LARGE1: variants seen among roughly 807,000 people sequenced by gnomAD.
LARGE1 encodes the protein LARGE xylosyl- and glucuronyltransferase 1, also known as xylosyl- and glucuronyltransferase LARGE1.
A neutral mutation model predicts 87.6 loss-of-function variants in LARGE1; 43 were observed. The ratio of observed to expected loss-of-function variants is 0.49; its 90% CI spans 0.38 to 0.63. The LOEUF (loss-of-function observed/expected upper bound fraction) is 0.63, where lower values mean the gene tolerates loss of function less well. Ranked by LOEUF, LARGE1 falls within the 30% of genes least tolerant of loss-of-function variation. LARGE1 has a pLI of 0.00. For synonymous variants in LARGE1, 434 were observed against 394.6 expected, an observed-to-expected ratio of 1.10 and a Z score of -1.18; for missense variants, 802 against 1,000.2, an observed-to-expected ratio of 0.80 and a Z score of 2.67.
At chr22:33,564,366 T>A (rs1235668484) in intron 6 of LARGE1, among the ~76,000 whole-genome samples, 2 of 152,130 alleles carry the variant, frequency 1.3e-5, no homozygotes, top group African/African-American at 4.8e-5. Flanking sequence ...CCCACCAGAC[T>A]AGAAAGAACG....
At chr22:33,735,891 A>C (rs538704483) in intron 2 of LARGE1, among the ~76,000 whole-genome samples, 1 of 152,346 alleles carries the variant, frequency 6.6e-6, no homozygotes, top group Admixed American at 6.5e-5. Context: ...TCACATGTAC[A>C]TATGTGGCCT....
chr22:33,697,549 C>CAAAAAA (rs3072289), intron 2 of LARGE1, among the ~76,000 whole-genome samples: 8,880 of 53,924 alleles, frequency 0.16, 799 homozygotes, highest in African/African-American at 0.24. Flanking sequence ...GACTCTGTCC[C>CAAAAAA]AAAAAAAAAA....
chr22:33,245,836 G>A (rs1230229404), intron 11 of LARGE1, among the ~76,000 whole-genome samples: 1 of 152,202 alleles, frequency 6.6e-6, no homozygotes, highest in African/African-American at 2.4e-5. Flanking sequence ...TTGAACCTGG[G>A]AGGCGGAGGT....
At chr22:33,669,550 A>G (rs944198391) in intron 2 of LARGE1, among the ~76,000 whole-genome samples, 2 of 152,162 alleles carry the variant, frequency 1.3e-5, no homozygotes, top group African/African-American at 4.8e-5. Context: ...CTTGATACTC[A>G]TTGTTATCAG....
intron 5 of LARGE1, among the ~76,000 whole-genome samples, chr22:33,597,330 G>T (rs187947247): frequency 2.8e-3 from 411 of 146,150 alleles, no homozygotes; most frequent in African/African-American, 0.01. Flanking sequence ...TCCCACCCTA[G>T]AATCCTATGA....
chr22:33,146,877 TC>T, the LARGE1 span, among the ~76,000 whole-genome samples: 2 of 152,192 alleles, frequency 1.3e-5, no homozygotes, highest in Admixed American at 6.5e-5. Context: ...CCCAGAAATG[TC>T]CCCTGTGTCC....
rs143433710 is a variant in LARGE1, at chr22:33,764,398, G to T, written c.-82-2840C>A. Among the ~76,000 whole-genome samples, 255 of 152,182 alleles carry T rather than the reference G, an allele frequency of 1.7e-3. 2 individuals are homozygous for T. Among genetic ancestry groups the T allele is most frequent in the African/African-American group, 5.5e-3 (228 of 41,536 alleles). ...CCTCATACAAATGGGCATAGTATTTGCATATAACCTACACCTATCCTCCTA... is the reference window on the plus strand; with the variant it reads ...CCTCATACAAATGGGCATAGTATTTTCATATAACCTACACCTATCCTCCTA... On this transcript the variant is annotated intron_variant, in intron 1 of 14. Transcript: ENST00000397394.
intron 4 of LARGE1, among the ~76,000 whole-genome samples, chr22:33,622,146 A>T (rs930908383): frequency 1.3e-5 from 2 of 152,112 alleles, no homozygotes; most frequent in African/African-American, 2.4e-5. Context: ...TCCCCACCCA[A>T]ATCTCATTTC....
chr22:33,681,018 C>T (rs1275288186), intron 2 of LARGE1, among the ~76,000 whole-genome samples: 1 of 151,014 alleles, frequency 6.6e-6, no homozygotes, highest in African/African-American at 2.5e-5. Context: ...AATTTCGCCA[C>T]TTATTTTTTT....
intron 9 of LARGE1, among the ~76,000 whole-genome samples, chr22:33,346,253 TC>T (rs372965047): frequency 2.0e-5 from 3 of 148,944 alleles, no homozygotes; most frequent in Admixed American, 6.7e-5. Context: ...CCTTCCTTCC[TC>T]TCTTCTCTCT....
chr22:33,862,382 T>C (rs1427593380), intron 1 of LARGE1, among the ~76,000 whole-genome samples: 3 of 152,210 alleles, frequency 2.0e-5, no homozygotes, highest in African/African-American at 7.2e-5. Context: ...GGGGAGGTTA[T>C]ATCCGAACAT....
downstream of LARGE1, among the ~76,000 whole-genome samples, chr22:33,269,690 T>C (rs146577651): frequency 2.7e-3 from 414 of 152,070 alleles, 2 homozygotes; most frequent in Admixed American, 0.023. Flanking sequence ...ATTTTTTCAT[T>C]CCAGAAGACA....
intron 4 of LARGE1, among the ~76,000 whole-genome samples, chr22:33,611,844 T>C (rs930084096): frequency 3.3e-5 from 5 of 152,196 alleles, no homozygotes; most frequent in Non-Finnish European, 7.3e-5. Context: ...GGATCCCTAA[T>C]GGCTTGGTGC....
intron 3 of LARGE1, among the ~76,000 whole-genome samples, chr22:33,646,760 C>T (rs1469657914): frequency 6.6e-6 from 1 of 152,174 alleles, no homozygotes; most frequent in Non-Finnish European, 1.5e-5. Flanking sequence ...CGGAGTCTCG[C>T]TCTATTGCCC....
At chr22:33,170,318 G>A (rs1922496374) in intron 11 of LARGE1, among the ~76,000 whole-genome samples, 2 of 152,050 alleles carry the variant, frequency 1.3e-5, no homozygotes, top group Admixed American at 6.6e-5. Context: ...ATAGTGAGCC[G>A]AGATCATGCC....
At chr22:33,321,572 C>T (rs920538173) in intron 10 of LARGE1, among the ~76,000 whole-genome samples, 4 of 152,110 alleles carry the variant, frequency 2.6e-5, no homozygotes, top group East Asian at 3.9e-4. Context: ...CTTTTTTTTC[C>T]TTTGGTTTTG....
intron 1 of LARGE1, among the ~76,000 whole-genome samples, chr22:33,909,741 C>T (rs1002367255): frequency 4.2e-4 from 64 of 151,926 alleles, no homozygotes; most frequent in Admixed American, 3.5e-3. Flanking sequence ...GGTTTCACCG[C>T]GTTAGTCAAG....
At chr22:33,224,418 C>A (rs1486878768) in intron 11 of LARGE1, among the ~76,000 whole-genome samples, 1 of 152,130 alleles carries the variant, frequency 6.6e-6, no homozygotes, top group East Asian at 1.9e-4. Flanking sequence ...TTTTTCCATA[C>A]CCATATTGTG....
At chr22:33,891,556 G>A (rs1314773455) in intron 1 of LARGE1, among the ~76,000 whole-genome samples, 2 of 152,100 alleles carry the variant, frequency 1.3e-5, no homozygotes, top group Non-Finnish European at 2.9e-5. Context: ...ACCCTTCTCT[G>A]GCTTGGTTAA....
Sources: allele counts gnomAD v4.1 joint callset (sites outside exome capture counted in the v4.1 genomes callset), GRCh38; gene constraint gnomAD v4.1.1; transcripts MANE v1.5; gene names NCBI Gene and HGNC (gene_info 2026-07-23, HGNC 2026-07-21).